PSTPIP2: variants seen among roughly 807,000 people sequenced by gnomAD.
PSTPIP2 encodes proline-serine-threonine phosphatase interacting protein 2.
A neutral mutation model predicts 63.3 loss-of-function variants in PSTPIP2; 33 were observed. The ratio of observed to expected loss-of-function variants is 0.52; its 90% confidence interval spans 0.40 to 0.70. The LOEUF is 0.70. Among genes scored for constraint, PSTPIP2 ranks in the 30% least tolerant of loss-of-function variants. PSTPIP2 has a pLI of 0.00. For missense variants in PSTPIP2, 312 were observed against 400.7 expected, an observed-to-expected ratio of 0.78 and a Z score of 1.89; for synonymous variants, 125 against 132.7, an observed-to-expected ratio of 0.94 and a Z score of 0.40.
At chr18:46,030,253 G>A (rs867399134) in intron 2 of PSTPIP2, among the ~76,000 whole-genome samples, 9 of 152,056 alleles carry the variant, frequency 5.9e-5, no homozygotes, top group Non-Finnish European at 5.9e-5. Context: ...TTGATATATC[G>A]TCTCAGAAAC....
At chr18:46,041,995 A>G (rs948348255) in intron 1 of PSTPIP2, among the ~76,000 whole-genome samples, 1 of 152,164 alleles carries the variant, frequency 6.6e-6, no homozygotes, top group Non-Finnish European at 1.5e-5. Context: ...GCTGCCACTT[A>G]TGATGGCCTA....
At chr18:46,067,168 C>T (rs1909220617) in intron 1 of PSTPIP2, among the ~76,000 whole-genome samples, 2 of 152,184 alleles carry the variant, frequency 1.3e-5, no homozygotes, top group South Asian at 4.1e-4. Flanking sequence ...CAAAAGGAAA[C>T]AGCCCTCCTG....
chr18:46,053,762 A>G (rs1218786322), intron 1 of PSTPIP2, among the ~76,000 whole-genome samples: 5 of 152,222 alleles, frequency 3.3e-5, no homozygotes, highest in African/African-American at 9.6e-5. Context: ...CTACATCCAT[A>G]CAATGGAACA....
At chr18:45,990,416 T>G (rs1031966221) in intron 13 of PSTPIP2, among the ~76,000 whole-genome samples, 9 of 144,876 alleles carry the variant, frequency 6.2e-5, no homozygotes, top group African/African-American at 1.7e-4. Context: ...GTGGGTTTTT[T>G]GGGGTTTTTT....
intron 3 of PSTPIP2, among the ~76,000 whole-genome samples, chr18:46,022,195 A>G (rs928466357): frequency 1.4e-4 from 21 of 152,288 alleles, no homozygotes; most frequent in African/African-American, 4.6e-4. Flanking sequence ...AGGTTTATAT[A>G]ACTATTAATA....
chr18:46,029,801 A>G (rs1907722158), intron 2 of PSTPIP2: 4 of 490,594 alleles, frequency 8.2e-6, no homozygotes, highest in Non-Finnish European at 7.7e-6. Context: ...AGAGGTGGAT[A>G]CTTTGCCTTG....
intron 2 of PSTPIP2, among the ~76,000 whole-genome samples, chr18:46,027,986 C>T (rs1345063834): frequency 6.6e-6 from 1 of 152,090 alleles, no homozygotes; most frequent in Non-Finnish European, 1.5e-5. Flanking sequence ...CATGGTGAAA[C>T]CCCATCTCTA....
At chr18:46,062,350 G>A (rs559968266) in intron 1 of PSTPIP2, among the ~76,000 whole-genome samples, 1 of 152,102 alleles carries the variant, frequency 6.6e-6, no homozygotes, top group South Asian at 2.1e-4. Context: ...CAAGAATCTT[G>A]CCCTGGTATG....
intron 1 of PSTPIP2, among the ~76,000 whole-genome samples, chr18:46,068,544 C>T (rs111780699): frequency 0.17 from 25,547 of 151,364 alleles, 3,014 homozygotes; most frequent in East Asian, 0.4. Context: ...GTGATCCACC[C>T]GTCTCAGCCT....
chr18:46,034,682 A>G (rs889325686), intron 2 of PSTPIP2, among the ~76,000 whole-genome samples: 12 of 152,088 alleles, frequency 7.9e-5, no homozygotes, highest in Admixed American at 3.9e-4. Context: ...AGCAGATTCC[A>G]GGGCCCAAAT....
chr18:45,986,278 C>T (rs1194871271), intron 14 of PSTPIP2, among the ~76,000 whole-genome samples: 2 of 152,124 alleles, frequency 1.3e-5, no homozygotes, highest in Non-Finnish European at 2.9e-5. Context: ...AACCCCAACT[C>T]ATTGAACTGG....
intron 5 of PSTPIP2, among the ~76,000 whole-genome samples, chr18:46,006,188 G>A (rs2051723625): frequency 6.6e-6 from 1 of 151,512 alleles, no homozygotes; most frequent in Non-Finnish European, 1.5e-5. Flanking sequence ...AGAGTAGCTG[G>A]GATTACAAGC....
chr18:46,047,513 A>G (rs1908426105), intron 1 of PSTPIP2, among the ~76,000 whole-genome samples: 1 of 151,940 alleles, frequency 6.6e-6, no homozygotes, highest in African/African-American at 2.4e-5. Context: ...AATCGCTTAA[A>G]CTCGGGAGGC....
At position 45,997,710 on chromosome 18, in the gene PSTPIP2, C is replaced by T; in HGVS notation, c.642+39G>A. The T allele has an allele frequency of 9.7e-6, 4 of 412,752 alleles. 1 individual carries two copies. The highest frequency in any genetic ancestry group is 1.4e-5 in the Non-Finnish European group (3 of 218,224). The allele number at this position is 412,752 out of a possible 1,614,324, so 25.6% of individuals were successfully genotyped here. On this transcript the variant is annotated intron_variant, in intron 9 of 14. Transcript: ENST00000409746. The stretch of plus-strand genomic sequence containing the variant: ...GCTTCCTGTTACACACACCCCCACC[C>T]ACCCACCCCAGTCCTGAGCAGCTTC...
intron 3 of PSTPIP2, among the ~76,000 whole-genome samples, chr18:46,016,803 C>T (rs1018931670): frequency 6.6e-5 from 10 of 152,170 alleles, no homozygotes; most frequent in African/African-American, 2.4e-4. Flanking sequence ...TCTGCTTACT[C>T]AAGGTTAGTA....
chr18:46,059,877 A>G (rs948375416), intron 1 of PSTPIP2, among the ~76,000 whole-genome samples: 1 of 152,090 alleles, frequency 6.6e-6, no homozygotes, highest in Non-Finnish European at 1.5e-5. Context: ...AAAATACAAA[A>G]AAAATTACCC....
chr18:46,032,002 AGCAATGGGTCCAGGCAG>A (rs1273029173), intron 2 of PSTPIP2, among the ~76,000 whole-genome samples: 10 of 152,224 alleles, frequency 6.6e-5, no homozygotes, highest in African/African-American at 2.4e-4. Flanking sequence ...GTAAATGGGA[AGCAATGGGTCCAGGCAG>A]GCAATGAAGG....
In PSTPIP2 at chr18:45,993,814, G is replaced by A. The variant is rs2051563766; in HGVS notation, c.643-111C>T. On this transcript the variant is annotated intron_variant, in intron 9 of 14. Transcript: ENST00000409746. Reference sequence around the variant, plus strand: ...ACCTTCAGTTATCTGTAAACTTATTGTCCAATTTAGAATGCTTCTCCCCCA... The same window carrying A: ...ACCTTCAGTTATCTGTAAACTTATTATCCAATTTAGAATGCTTCTCCCCCA... The A allele has an allele frequency of 1.1e-5, 10 of 900,414 alleles. No individual in the cohort carries two copies. The South Asian group carries it at 1.3e-4, about 12-fold the overall frequency. 55.8% of individuals were successfully genotyped at this position (900,414 alleles called of 1,614,324 possible).
chr18:46,067,815 C>T (rs567227123), intron 1 of PSTPIP2, among the ~76,000 whole-genome samples: 5 of 152,242 alleles, frequency 3.3e-5, no homozygotes, highest in African/African-American at 9.6e-5. Context: ...CAGGGTGCTG[C>T]CTGATTCATG....
Sources: allele counts gnomAD v4.1 joint callset (sites outside exome capture counted in the v4.1 genomes callset), GRCh38; gene constraint gnomAD v4.1.1; transcripts MANE v1.5; gene names NCBI Gene and HGNC (gene_info 2026-07-23, HGNC 2026-07-21).